Variants in MET observed in about 807,000 individuals in gnomAD.
The protein encoded by MET is hepatocyte growth factor receptor.
Under a neutral mutation model 133.1 loss-of-function variants are expected in MET, and 48 were observed. That is an observed-to-expected ratio of 0.36 (90% confidence interval 0.29 to 0.46). MET has a LOEUF of 0.46. MET is among the 20% of genes least tolerant of loss of function. MET has a pLI of 1.00. For synonymous variants in MET, 628 were observed against 616.5 expected (o/e 1.02, Z -0.28); for missense variants, 1,442 against 1,695.9 (o/e 0.85, Z 2.63).
chr7:116,683,236 A>G lies in MET; in HGVS notation c.-15+10659A>G, dbSNP rs908970471. Among the ~76,000 whole-genome samples, 3 of 151,974 alleles carry G rather than the reference A, an allele frequency of 2.0e-5. No individual in the cohort carries two copies. In the South Asian group the frequency reaches 6.2e-4, roughly 32 times the overall value. ...CCTCTGCCCCCTCAAGTAGACCCCA[A>G]TGTCTGTTGTTCCTTTCTTTGTGTT... On this transcript the variant is annotated intron_variant, in intron 1 of 20. Transcript: ENST00000397752.
chr7:116,758,450 T>G lies in MET; in HGVS notation c.2103-9T>G, dbSNP rs763948315. 8 of 1,613,122 alleles carry G rather than the reference T, an allele frequency of 5.0e-6. No individual in the cohort carries two copies. Among genetic ancestry groups the G allele is most frequent in the Non-Finnish European group, 6.8e-6 (8 of 1,179,292 alleles). ...GCTAAAATTCACTTCCTTAATTTTT[T>G]TTGTTCAGTGTGTCAAACAGTATTC... is the stretch of plus-strand genomic sequence containing the variant. On this transcript the variant is annotated splice_polypyrimidine_tract_variant and intron_variant, in intron 8 of 20. Transcript: ENST00000397752.
At chr7:116,688,713 CATTCT>C (rs1796664415) in intron 1 of MET, among the ~76,000 whole-genome samples, 3 of 152,162 alleles carry the variant, frequency 2.0e-5, no homozygotes, top group Admixed American at 2.0e-4. Context: ...GATATAATGG[CATTCT>C]ATTCTTTTTA....
intron 2 of MET, among the ~76,000 whole-genome samples, chr7:116,719,673 G>A (rs991006414): frequency 6.6e-6 from 1 of 152,194 alleles, no homozygotes; most frequent in Non-Finnish European, 1.5e-5. Flanking sequence ...TGTATAAGGT[G>A]TAAGGAAGGG....
At chr7:116,693,252 T>A (rs1796837971) in intron 1 of MET, among the ~76,000 whole-genome samples, 1 of 152,222 alleles carries the variant, frequency 6.6e-6, no homozygotes, top group Non-Finnish European at 1.5e-5. Flanking sequence ...CCCAGGAGTA[T>A]GCCATTAAAT....
intron 2 of MET, among the ~76,000 whole-genome samples, chr7:116,700,901 A>G (rs575989614): frequency 2.6e-5 from 4 of 152,330 alleles, no homozygotes; most frequent in Non-Finnish European, 5.9e-5. Context: ...TAGAGAGGAA[A>G]TGTTTGTTCC....
intron 1 of MET, among the ~76,000 whole-genome samples, chr7:116,677,184 A>G (rs1796192700): frequency 6.6e-6 from 1 of 152,032 alleles, no homozygotes; most frequent in Non-Finnish European, 1.5e-5. Context: ...TCCCTTCCAT[A>G]GTATAAATCT....
chr7:116,760,710 A>G (rs544969603), intron 10 of MET, among the ~76,000 whole-genome samples: 1 of 152,312 alleles, frequency 6.6e-6, no homozygotes, highest in African/African-American at 2.4e-5. Flanking sequence ...ATCACCAAAT[A>G]ATAAGGTCAT....
At chr7:116,708,448 A>G (rs1352168002) in intron 2 of MET, among the ~76,000 whole-genome samples, 3 of 152,214 alleles carry the variant, frequency 2.0e-5, no homozygotes, top group Non-Finnish European at 4.4e-5. Flanking sequence ...ATTAGTGCAT[A>G]CTATCTTACA....
chr7:116,770,379 GTATAT>G (rs1243950308), intron 12 of MET, among the ~76,000 whole-genome samples: 1 of 152,088 alleles, frequency 6.6e-6, no homozygotes, highest in Non-Finnish European at 1.5e-5. Context: ...ATGGGTTTCA[GTATAT>G]TATATTGTCA....
intron 2 of MET, among the ~76,000 whole-genome samples, chr7:116,708,085 C>G (rs185874979): frequency 6.6e-6 from 1 of 152,070 alleles, no homozygotes; most frequent in African/African-American, 2.4e-5. Context: ...CTAGACTGTA[C>G]CTGTCTTCAA....
chr7:116,750,262 C>A (rs1173234054), intron 5 of MET, among the ~76,000 whole-genome samples: 4 of 152,096 alleles, frequency 2.6e-5, no homozygotes, highest in Non-Finnish European at 5.9e-5. Context: ...GAACAGAGGC[C>A]TCAGAAATAA....
intron 19 of MET, among the ~76,000 whole-genome samples, chr7:116,788,704 A>G (rs984051672): frequency 1.3e-5 from 2 of 152,232 alleles, no homozygotes; most frequent in Non-Finnish European, 2.9e-5. Context: ...ATAAATTTGC[A>G]CAGTGTTTTA....
At chr7:116,677,661 C>T (rs551511079) in intron 1 of MET, among the ~76,000 whole-genome samples, 5 of 152,154 alleles carry the variant, frequency 3.3e-5, no homozygotes, top group Admixed American at 2.0e-4. Context: ...ATGCATGGCC[C>T]GAGAGCCCCA....
intron 1 of MET, among the ~76,000 whole-genome samples, chr7:116,674,427 A>T (rs1382440266): frequency 7.0e-6 from 1 of 143,592 alleles, no homozygotes. Context: ...GAAATCTTTA[A>T]AAAAAAATTG....
chr7:116,785,838 A>T (rs1315973226), intron 19 of MET, among the ~76,000 whole-genome samples: 1 of 152,264 alleles, frequency 6.6e-6, no homozygotes, highest in Non-Finnish European at 1.5e-5. Context: ...ATGCTCATGC[A>T]ATAACACATA....
At chr7:116,731,641 T>G (rs769023801) in intron 2 of MET, 27 bp from the exon 3 acceptor site, 1 of 1,612,458 alleles carries the variant, frequency 6.2e-7, no homozygotes, top group East Asian at 2.2e-5. Flanking sequence ...GGATTCACAT[T>G]AACTCTATGA....
chr7:116,783,578 C>T (rs1795217686), intron 19 of MET, 109 bp downstream of exon 19: 1 of 1,073,088 alleles, frequency 9.3e-7, no homozygotes, highest in Admixed American at 2.1e-5. Context: ...CCACCAATTC[C>T]AGTTTTCTTC....
chr7:116,714,471 T>A (rs38852), intron 2 of MET, among the ~76,000 whole-genome samples: 61,963 of 151,994 alleles, frequency 0.41, 13,917 homozygotes, highest in East Asian at 0.59. Context: ...TCCAGCTGTT[T>A]AAGCCCACAC....
chr7:116,796,833 G>T lies in MET; in HGVS notation c.*709G>T. 5.6e-6 allele frequency: 1 copy of T among 178,828 alleles called. No homozygotes were observed. The highest frequency in any genetic ancestry group is 1.2e-5 in the Non-Finnish European group (1 of 83,432). 11.1% of individuals were successfully genotyped at this position (178,828 alleles called of 1,614,324 possible). On this transcript the variant is annotated 3_prime_UTR_variant, in exon 21 of 21. Coordinates refer to ENST00000397752, the MANE Select transcript of MET (RefSeq NM_000245.4). Reference sequence around the variant, plus strand: ...GGGGTTTTGCCATGTTGCCAAGGCTGGTTTCAAACTCCTGGACTCAAGAAA... The same window carrying T: ...GGGGTTTTGCCATGTTGCCAAGGCTTGTTTCAAACTCCTGGACTCAAGAAA...
Sources: gnomAD v4.1 joint callset for allele counts (sites outside exome capture counted in the v4.1 genomes callset) on GRCh38, gnomAD v4.1.1 for gene constraint, MANE v1.5 for transcripts, NCBI Gene and HGNC (gene_info 2026-07-23, HGNC 2026-07-21) for gene names.